SLC39A6: variants seen among roughly 807,000 people sequenced by gnomAD.
SLC39A6 encodes the protein zinc transporter ZIP6.
Under a neutral mutation model 63.5 loss-of-function variants are expected in SLC39A6, and 51 were observed. That is an observed-to-expected ratio of 0.80 (90% CI 0.64 to 1.01). SLC39A6 has a LOEUF of 1.01. SLC39A6 is among the 50% of genes least tolerant of loss of function. The pLI, the probability that SLC39A6 is intolerant of heterozygous loss-of-function variation, is 0.00. For missense variants in SLC39A6, 805 were observed against 927.8 expected, an observed-to-expected ratio of 0.87 and a Z score of 1.72; for synonymous variants, 318 against 324.7, an observed-to-expected ratio of 0.98 and a Z score of 0.22.
intron 6 of SLC39A6, among the ~76,000 whole-genome samples, chr18:36,115,799 T>C (rs1372330571): frequency 1.3e-5 from 2 of 152,064 alleles, no homozygotes; most frequent in African/African-American, 2.4e-5. Flanking sequence ...GTTGAAAACA[T>C]GAATCTTAAC....
rs2089442585 is a variant in SLC39A6, at chr18:36,126,730, T to C, written c.278A>G (p.His93Arg). ...GTCTGAGTGATGGTCGTGGTCATGGTGTATATGGATTCTTTTAATCTTATC... is the reference window on the plus strand; with the variant it reads ...GTCTGAGTGATGGTCGTGGTCATGGCGTATATGGATTCTTTTAATCTTATC... ...GIDKIKRIHI[H>R]HDHDHHSDHE... Residue 93 changes from histidine to arginine, a missense_variant, in exon 2 of 10, where the codon CAC becomes CGC. Transcript: ENST00000269187. 1.2e-6 allele frequency: 2 copies of C among 1,614,240 alleles called. No individual in the cohort carries two copies. Among genetic ancestry groups the C allele is most frequent in the Non-Finnish European group, 1.7e-6 (2 of 1,180,042 alleles).
intron 6 of SLC39A6, among the ~76,000 whole-genome samples, chr18:36,115,785 C>G (rs1288437623): frequency 1.3e-5 from 2 of 152,084 alleles, no homozygotes; most frequent in African/African-American, 2.4e-5. Flanking sequence ...TGGCAAGGAG[C>G]TGGGTTGAAA....
Position 36,109,484 on chromosome 18 carries a change from CA to C in SLC39A6, c.*108del. 1 of 795,418 alleles carries C rather than the reference CA, an allele frequency of 1.3e-6. No individual in the cohort carries two copies. Among genetic ancestry groups the C allele is most frequent in the Non-Finnish European group, 1.9e-6 (1 of 516,304 alleles). The allele number at this position is 795,418 out of a possible 1,614,324, so 49.3% of individuals were successfully genotyped here. A position where few individuals can be genotyped will look rare whatever the true frequency, so the allele number is the denominator to read the frequency against. On this transcript the variant is annotated 3_prime_UTR_variant, in exon 10 of 10. Coordinates refer to ENST00000269187, the MANE Select transcript of SLC39A6 (RefSeq NM_012319.4). Reference sequence around the variant, plus strand: ...ACAGCAATATTCAATACAAAAATCACAAAACCCACTAACTTTAAACGCTGCA... The same window carrying C: ...ACAGCAATATTCAATACAAAAATCACAAACCCACTAACTTTAAACGCTGCA...
In SLC39A6 at chr18:36,126,729, G is replaced by T. The variant is rs1235979179; in HGVS notation, c.279C>A (p.His93Gln). The change falls in exon 2 of 10, where the codon CAC (histidine) becomes CAA (glutamine). Residue 93 changes from histidine to glutamine, a missense_variant. This residue lies in a region of SLC39A6 where 639 missense variants were observed against 644.0 expected (regional missense o/e 0.99). Transcript: ENST00000269187. ...GGTCTGAGTGATGGTCGTGGTCATG[G>T]TGTATATGGATTCTTTTAATCTTAT... ...GIDKIKRIHI[H>Q]HDHDHHSDHE... 1.9e-6 allele frequency: 3 copies of T among 1,614,194 alleles called. No homozygotes were observed. In the South Asian group the frequency reaches 3.3e-5, roughly 18 times the overall value.
intron 5 of SLC39A6, among the ~76,000 whole-genome samples, chr18:36,117,889 G>A (rs936567665): frequency 2.6e-5 from 4 of 152,060 alleles, no homozygotes; most frequent in Admixed American, 2.0e-4. Context: ...AAATTAGCCG[G>A]GCGTGTTGGC....
At chr18:36,119,894 T>G (rs1449603976) in intron 5 of SLC39A6, among the ~76,000 whole-genome samples, 1 of 151,096 alleles carries the variant, frequency 6.6e-6, no homozygotes, top group Non-Finnish European at 1.5e-5. Context: ...AAAAAGATAC[T>G]GTTTTCTTAA....
In SLC39A6 at chr18:36,114,457, G is replaced by T. The variant is rs370944414; in HGVS notation, c.1483C>A (p.Arg495=). 2 of 1,611,856 alleles carry T rather than the reference G, an allele frequency of 1.2e-6. No homozygotes were observed. Among genetic ancestry groups the T allele is most frequent in the East Asian group, 2.2e-5 (1 of 44,900 alleles). Residue 495 remains arginine (R), a synonymous_variant, in exon 7 of 10, where the codon CGA becomes AGA. Transcript: ENST00000269187. ...TGGGAGGGCTCTTGTGAGTCTGCTCGTAAATAGCCTTCAGTTCCTAGGAAT... is the reference window on the plus strand; with the variant it reads ...TGGGAGGGCTCTTGTGAGTCTGCTCTTAAATAGCCTTCAGTTCCTAGGAAT... The part of the protein sequence containing the change: ...DTDDRTEGYL[R]ADSQEPSHFD...
chr18:36,111,270 G>T (rs1490749089), intron 8 of SLC39A6, 21 bp from the exon 9 acceptor site: 17 of 1,603,966 alleles, frequency 1.1e-5, no homozygotes, highest in Non-Finnish European at 1.4e-5. Context: ...AAACAAAAAA[G>T]GAGGAAAAAG....
At position 36,111,168 on chromosome 18, in the gene SLC39A6, T is replaced by TA; in HGVS notation, c.2005dup (p.Tyr669LeufsTer15). ...GAAAATTCCTGTTGCCATTCCAAGA[T>TA]ACGCCAGCATGGCTGACAATGCATT... On this transcript the variant is annotated frameshift_variant, in exon 9 of 10. Transcript: ENST00000269187. LOFTEE classifies it high-confidence loss of function. 1 of 1,614,162 alleles carries TA rather than the reference T, an allele frequency of 6.2e-7. No individual in the cohort carries two copies.
At chr18:36,109,989 CAGTTTCCACT>C (rs888869778) in intron 9 of SLC39A6, among the ~76,000 whole-genome samples, 3 of 152,074 alleles carry the variant, frequency 2.0e-5, no homozygotes, top group African/African-American at 7.2e-5. Context: ...GTATTGGTTC[CAGTTTCCACT>C]GGAAAATGAA....
Position 36,109,597 on chromosome 18 carries a change from A to G in SLC39A6, c.2264T>C (p.Phe755Ser). 1 of 1,606,242 alleles carries G rather than the reference A, an allele frequency of 6.2e-7. No individual in the cohort carries two copies. The highest frequency in any genetic ancestry group is 8.5e-7 in the Non-Finnish European group (1 of 1,174,870). ...FEHKIVFRIN[F>S] The stretch of plus-strand genomic sequence containing the variant: ...ACTCTAGCATTTAAACCTTAACTAG[A>G]AATTTATACGAAACACGATTTTATG... Residue 755 changes from phenylalanine (F) to serine (S), a missense_variant, in exon 10 of 10, where the codon TTC becomes TCC. Coordinates refer to ENST00000269187, the MANE Select transcript of SLC39A6 (RefSeq NM_012319.4).
chr18:36,114,549 T>C (rs966872468), intron 6 of SLC39A6, 75 bp from the exon 7 acceptor site: 15 of 1,196,056 alleles, frequency 1.3e-5, no homozygotes, highest in South Asian at 3.0e-5. Flanking sequence ...TCAAACCTCA[T>C]TGAAAAAGTC....
At position 36,129,244 on chromosome 18, in the gene SLC39A6, G is replaced by C. The variant is rs139799774; in HGVS notation, c.-140C>G. ...CTCTACCAGGCGCGAACACGCGGTG[G>C]TTTCATTGGGTTGGCTGCCCCTCGG... is the stretch of plus-strand genomic sequence containing the variant. On this transcript the variant is annotated 5_prime_UTR_variant, in exon 1 of 10. Transcript: ENST00000269187. 8.7e-4 allele frequency: 135 copies of C among 155,820 alleles called. No individual in the cohort carries two copies. The highest frequency in any genetic ancestry group is 3.0e-3 in the African/African-American group (125 of 41,604). The allele number at this position is 155,820 out of a possible 1,614,324, so 9.7% of individuals were successfully genotyped here.
At chr18:36,125,491 C>G (rs1023447307) in intron 2 of SLC39A6, among the ~76,000 whole-genome samples, 47 of 152,172 alleles carry the variant, frequency 3.1e-4, no homozygotes, top group Admixed American at 2.8e-3. Context: ...GCTGCTATGG[C>G]TATGGCCACT....
chr18:36,116,913 G>C, intron 5 of SLC39A6, 134 bp from the exon 6 acceptor site: 1 of 618,914 alleles, frequency 1.6e-6, no homozygotes, highest in South Asian at 2.0e-5. Flanking sequence ...TCCCACACTA[G>C]CAGCACACTA....
rs1051467280 is a variant in SLC39A6, at chr18:36,108,710, A to G, written c.*883T>C. ...ATCAAATGATACTTAGTGTAGTTTT[A>G]ATATCCTCATATATATCAAAGTTTT... On this transcript the variant is annotated 3_prime_UTR_variant, in exon 10 of 10. Coordinates refer to ENST00000269187, the MANE Select transcript of SLC39A6 (RefSeq NM_012319.4). 8 of 152,184 alleles carry G rather than the reference A, an allele frequency of 5.3e-5. No individual in the cohort carries two copies. The allele number at this position is 152,184 out of a possible 1,614,324, so 9.4% of individuals were successfully genotyped here.
intron 9 of SLC39A6, among the ~76,000 whole-genome samples, chr18:36,110,453 C>T (rs2089292122): frequency 1.4e-5 from 2 of 147,120 alleles, no homozygotes; most frequent in Non-Finnish European, 3.0e-5. Flanking sequence ...AAAAAAAAAA[C>T]TCTAAAGAAC....
chr18:36,116,754 T>C lies in SLC39A6; in HGVS notation c.1385A>G (p.Asp462Gly). The C allele has an allele frequency of 3.7e-6, 6 of 1,612,378 alleles. No homozygotes were observed. The highest frequency in any genetic ancestry group is 3.4e-6 in the Non-Finnish European group (4 of 1,178,984). ...KKNQKKPEND[D>G]DVEIKKQLSK... ...CAACTGCTTCTTAATCTCCACATCA[T>C]CATCATTTTCAGGTTTCTTCTGATT... Residue 462 changes from aspartate (D) to glycine (G), a missense_variant, in exon 6 of 10, where the codon GAT (aspartate) becomes GGT (glycine). Physicochemically the swap from Asp to Gly is moderately conservative, Grantham distance 94 (BLOSUM62 -1). This residue lies in a region of SLC39A6 where 639 missense variants were observed against 644.0 expected (regional missense o/e 0.99). Transcript: ENST00000269187.
intron 1 of SLC39A6, among the ~76,000 whole-genome samples, chr18:36,128,715 A>C (rs1299226868): frequency 2.0e-5 from 3 of 152,180 alleles, no homozygotes. Flanking sequence ...CCTTTCCTGC[A>C]AGTTGGTGTG....
Sources: allele counts gnomAD v4.1 joint callset (sites outside exome capture counted in the v4.1 genomes callset), GRCh38; gene constraint gnomAD v4.1.1; regional missense constraint gnomAD v4.1.1; transcripts MANE v1.5; gene names NCBI Gene and HGNC (gene_info 2026-07-23, HGNC 2026-07-21).